The following TMPRSS9 variants were observed in gnomAD, a reference collection of about 807,000 sequenced individuals.
TMPRSS9 encodes transmembrane protease serine 9.
Under a neutral mutation model 111.4 loss-of-function variants are expected in TMPRSS9, and 113 were observed. The ratio of observed to expected loss-of-function variants is 1.01; its 90% CI spans 0.87 to 1.19. The LOEUF (loss-of-function observed/expected upper bound fraction) is 1.19. Ranked by LOEUF, TMPRSS9 falls within the 50% of genes most tolerant of loss-of-function variation. The pLI is 0.00. For missense variants in TMPRSS9, 1,803 were observed against 1,513.1 expected, an observed-to-expected ratio of 1.19 and a Z score of -3.18; for synonymous variants, 805 against 659.1, an observed-to-expected ratio of 1.22 and a Z score of -3.39.
rs568227687 is a variant in TMPRSS9, at chr19:2,424,541, C to G, written c.2717+284C>G. Among the ~76,000 whole-genome samples, 24 of 139,580 alleles carry G rather than the reference C, an allele frequency of 1.7e-4. No individual in the cohort carries two copies. In the East Asian group the frequency reaches 2.0e-3, roughly 11 times the overall value. The allele number at this position is 139,580 out of a possible 152,430, so 91.6% of individuals were successfully genotyped here. A position where few individuals can be genotyped will look rare whatever the true frequency, so the allele number is the denominator to read the frequency against. On this transcript the variant is annotated intron_variant, in intron 15 of 17. Coordinates refer to ENST00000648592, the Ensembl canonical transcript of TMPRSS9. ...CCTAACCCGGAAGCTGCGGCCCCCC[C>G]CCTCCAGCTCCAGGCTAAGCCCACG...
intron 1 of TMPRSS9, among the ~76,000 whole-genome samples, chr19:2,372,100 G>T (rs1013960943): frequency 3.3e-5 from 5 of 152,180 alleles, no homozygotes; most frequent in African/African-American, 1.2e-4. Context: ...CAAGTGATCC[G>T]CCTGCCTTGA....
chr19:2,382,026 G>A (rs1394424774), intron 1 of TMPRSS9, among the ~76,000 whole-genome samples: 3 of 152,040 alleles, frequency 2.0e-5, no homozygotes, highest in Non-Finnish European at 4.4e-5. Context: ...ATTTTTAGTA[G>A]AGACGGGGTT....
At chr19:2,390,248 T>G (rs551167575) in intron 1 of TMPRSS9, among the ~76,000 whole-genome samples, 1,827 of 129,316 alleles carry the variant, frequency 0.014, 30 homozygotes, top group Non-Finnish European at 0.021. Flanking sequence ...TTTTTGTTTT[T>G]TTTTTTTTTT....
intron 10 of TMPRSS9, among the ~76,000 whole-genome samples, chr19:2,415,352 G>C (rs1041200977): frequency 6.6e-6 from 1 of 152,098 alleles, no homozygotes; most frequent in Admixed American, 6.6e-5. Context: ...GTGCAGCCCC[G>C]TCTTTGCAAG....
intron 1 of TMPRSS9, among the ~76,000 whole-genome samples, chr19:2,362,558 T>C (rs1431180079): frequency 1.4e-5 from 2 of 147,248 alleles, no homozygotes; most frequent in Non-Finnish European, 2.9e-5. Context: ...CTTTGTGTGG[T>C]TGTGTATGGT....
exon 14 of TMPRSS9, chr19:2,422,143 C>G (rs767778490): frequency 2.5e-6 from 4 of 1,591,266 alleles, no homozygotes; most frequent in Non-Finnish European, 3.4e-6. Context: ...AGCAGGGTGA[C>G]GGGCCAACCT....
At chr19:2,423,900 T>C (rs1487043572) in intron 14 of TMPRSS9, among the ~76,000 whole-genome samples, 189 bp from the exon 16 acceptor site, 1 of 152,254 alleles carries the variant, frequency 6.6e-6, no homozygotes, top group Admixed American at 6.5e-5. Context: ...CCAATGTTAT[T>C]TGAGAAAAGC....
At chr19:2,370,701 A>G (rs1970282334) in intron 1 of TMPRSS9, among the ~76,000 whole-genome samples, 1 of 151,258 alleles carries the variant, frequency 6.6e-6, no homozygotes, top group Admixed American at 6.6e-5. Flanking sequence ...TCCAGCCTTC[A>G]GCTTTTGCTT....
At chr19:2,412,825 A>G (rs1971124620) in intron 9 of TMPRSS9, among the ~76,000 whole-genome samples, 1 of 152,158 alleles carries the variant, frequency 6.6e-6, no homozygotes, top group African/African-American at 2.4e-5. Flanking sequence ...AGACTGCTAC[A>G]TGTGCTTAGA....
upstream of TMPRSS9, among the ~76,000 whole-genome samples, chr19:2,389,203 A>AGAGATCGGAAGAGC (rs1970535082): frequency 6.8e-6 from 1 of 146,648 alleles, no homozygotes; most frequent in African/African-American, 2.5e-5. Flanking sequence ...CCTCCCGAGT[A>AGAGATCGGAAGAGC]GCTGGGATTA....
At chr19:2,424,657 C>T (rs1217985453) in intron 15 of TMPRSS9, among the ~76,000 whole-genome samples, 3 of 152,162 alleles carry the variant, frequency 2.0e-5, no homozygotes, top group African/African-American at 7.2e-5. Flanking sequence ...CTGCCCTCCC[C>T]AGGGCCCAAG....
chr19:2,426,017 C>T (rs758940729), exon 18 of TMPRSS9: 3 of 1,607,800 alleles, frequency 1.9e-6, no homozygotes, highest in South Asian at 1.1e-5. Context: ...CTGTGGCCGG[C>T]CCCACTTCCC....
intron 15 of TMPRSS9, among the ~76,000 whole-genome samples, chr19:2,424,534 G>GCCCC (rs879741232): frequency 4.2e-4 from 56 of 134,144 alleles, no homozygotes; most frequent in African/African-American, 1.6e-3. Context: ...GGAAGCTGCG[G>GCCCC]CCCCCCCCCT....
chr19:2,390,024 C>T, intron 1 of TMPRSS9, 97 bp downstream of exon 2: 1 of 1,484,660 alleles, frequency 6.7e-7, no homozygotes. Context: ...CATCTGGAAT[C>T]AAAGGGCAGT....
intron 1 of TMPRSS9, among the ~76,000 whole-genome samples, chr19:2,384,074 C>G (rs1358256251): frequency 6.6e-6 from 1 of 152,220 alleles, no homozygotes; most frequent in East Asian, 1.9e-4. Flanking sequence ...CCAGAGAAGC[C>G]CTCGGCCACG....
intron 1 of TMPRSS9, among the ~76,000 whole-genome samples, chr19:2,373,513 T>C (rs112838075): frequency 5.8e-4 from 64 of 111,124 alleles, no homozygotes; most frequent in African/African-American, 2.8e-3. Flanking sequence ...TACAGGCGTG[T>C]ACCACCATGC....
intron 1 of TMPRSS9, among the ~76,000 whole-genome samples, chr19:2,377,874 G>C (rs979633918): frequency 2.0e-5 from 3 of 147,862 alleles, no homozygotes. Context: ...CACTATGCCT[G>C]GCTAATTTTT....
At chr19:2,367,395 T>C (rs1970255696) in intron 1 of TMPRSS9, among the ~76,000 whole-genome samples, 1 of 151,938 alleles carries the variant, frequency 6.6e-6, no homozygotes, top group South Asian at 2.1e-4. Flanking sequence ...AGAAAATGCT[T>C]ATGTACTTTT....
At chr19:2,419,991 T>C (rs1001450159) in intron 13 of TMPRSS9, among the ~76,000 whole-genome samples, 1 of 152,054 alleles carries the variant, frequency 6.6e-6, no homozygotes, top group African/African-American at 2.4e-5. Flanking sequence ...AGACCCCGTC[T>C]CTACAAAAAT....
Sources: gnomAD v4.1 joint callset for allele counts (sites outside exome capture counted in the v4.1 genomes callset) on GRCh38, gnomAD v4.1.1 for gene constraint, MANE v1.5 for transcripts, NCBI Gene and HGNC (gene_info 2026-07-23, HGNC 2026-07-21) for gene names.